Variants in NSMCE2 observed in about 807,000 individuals in gnomAD.
NSMCE2 encodes the protein E3 SUMO-protein ligase NSE2.
In NSMCE2, 24 loss-of-function variants were observed where a neutral mutation model predicts 23.8. That is an observed-to-expected ratio of 1.01 (90% CI 0.73 to 1.42). The LOEUF is 1.42. Among genes scored for constraint, NSMCE2 ranks in the 40% most tolerant of loss-of-function variants. The pLI, the probability that NSMCE2 is intolerant of heterozygous loss-of-function variation, is 0.00. For missense variants in NSMCE2, 284 were observed against 296.5 expected (o/e 0.96, Z 0.31); for synonymous variants, 92 against 94.1 (o/e 0.98, Z 0.13).
chr8:125,268,998 T>G (rs754230875), intron 5 of NSMCE2, among the ~76,000 whole-genome samples: 3 of 152,232 alleles, frequency 2.0e-5, no homozygotes, highest in African/African-American at 7.2e-5. Context: ...CTTGATTCTC[T>G]TTTTTATTCC....
chr8:125,330,398 A>T (rs1586779933), intron 5 of NSMCE2, among the ~76,000 whole-genome samples: 2 of 150,964 alleles, frequency 1.3e-5, no homozygotes, highest in Non-Finnish European at 1.5e-5. Context: ...CTGGTCTCGA[A>T]CTCCTGACCT....
intron 5 of NSMCE2, among the ~76,000 whole-genome samples, chr8:125,218,845 T>G (rs1824720832): frequency 6.6e-6 from 1 of 152,226 alleles, no homozygotes; most frequent in Non-Finnish European, 1.5e-5. Context: ...ATGGTTAAGG[T>G]GTTAAATTTT....
chr8:125,274,999 G>A (rs918021057), intron 5 of NSMCE2, among the ~76,000 whole-genome samples: 1 of 142,420 alleles, frequency 7.0e-6, no homozygotes, highest in African/African-American at 2.6e-5. Flanking sequence ...ATCTGAAGAT[G>A]ATAATAATAA....
At chr8:125,242,112 G>A (rs554161321) in intron 5 of NSMCE2, among the ~76,000 whole-genome samples, 1 of 152,216 alleles carries the variant, frequency 6.6e-6, no homozygotes, top group East Asian at 1.9e-4. Context: ...ACTGGGGGGG[G>A]AGTTTGAGAA....
At chr8:125,118,567 C>A (rs1459602211) in intron 3 of NSMCE2, among the ~76,000 whole-genome samples, 1 of 152,174 alleles carries the variant, frequency 6.6e-6, no homozygotes, top group Admixed American at 6.5e-5. Flanking sequence ...GGCACCAGAA[C>A]ACTTCTTATG....
intron 5 of NSMCE2, among the ~76,000 whole-genome samples, chr8:125,243,083 C>G (rs1366482871): frequency 6.6e-6 from 1 of 152,108 alleles, no homozygotes; most frequent in Non-Finnish European, 1.5e-5. Context: ...GTGCCAGAAA[C>G]TATGCAGGGC....
chr8:125,267,003 C>CTTTTTTTTTTTTTTTTTTT (rs35990794), intron 5 of NSMCE2, among the ~76,000 whole-genome samples: 4 of 111,990 alleles, frequency 3.6e-5, no homozygotes, highest in Admixed American at 1.1e-4. Context: ...TTTTTTCTTT[C>CTTTTTTTTTTTTTTTTTTT]TTTTTTTTTT....
chr8:125,162,228 T>A (rs979195100), intron 4 of NSMCE2, among the ~76,000 whole-genome samples: 3 of 152,168 alleles, frequency 2.0e-5, no homozygotes, highest in African/African-American at 2.4e-5. Flanking sequence ...GTAAAAAAAA[T>A]TTTAATTGTT....
intron 4 of NSMCE2, among the ~76,000 whole-genome samples, chr8:125,155,069 A>T (rs938979817): frequency 1.3e-5 from 2 of 152,246 alleles, no homozygotes; most frequent in East Asian, 3.8e-4. Flanking sequence ...TAGGAAGTCA[A>T]TCAGCAAAGT....
At chr8:125,094,362 A>G (rs955146012) in intron 1 of NSMCE2, 3 of 152,170 alleles carry the variant, frequency 2.0e-5, no homozygotes, top group Non-Finnish European at 2.9e-5. Context: ...ACTTAGCTGT[A>G]TTTATTGGGA....
chr8:125,302,248 C>T (rs549085877), intron 5 of NSMCE2, among the ~76,000 whole-genome samples: 8 of 152,238 alleles, frequency 5.3e-5, no homozygotes, highest in Non-Finnish European at 1.2e-4. Flanking sequence ...TGAGCCACCA[C>T]GCCAGGTCCC....
intron 5 of NSMCE2, among the ~76,000 whole-genome samples, chr8:125,251,514 T>C (rs1826196608): frequency 6.6e-6 from 1 of 152,146 alleles, no homozygotes; most frequent in Non-Finnish European, 1.5e-5. Context: ...TCAAGTAGAC[T>C]CAGTGAATAT....
intron 5 of NSMCE2, among the ~76,000 whole-genome samples, chr8:125,190,103 C>G (rs1033307463): frequency 1.3e-5 from 2 of 152,132 alleles, no homozygotes; most frequent in African/African-American, 4.8e-5. Flanking sequence ...GGATTGCATC[C>G]TGAGAGCTTA....
intron 5 of NSMCE2, among the ~76,000 whole-genome samples, chr8:125,259,180 G>A (rs1826572886): frequency 1.3e-5 from 2 of 152,120 alleles, no homozygotes; most frequent in African/African-American, 4.8e-5. Context: ...GTGAGCCACT[G>A]TACCTGGCCT....
chr8:125,267,119 C>G (rs1430860887), intron 5 of NSMCE2, among the ~76,000 whole-genome samples: 1 of 149,860 alleles, frequency 6.7e-6, no homozygotes, highest in Non-Finnish European at 1.5e-5. Flanking sequence ...ATTCTCTTGC[C>G]TCAGCCTCCC....
At chr8:125,345,302 A>G (rs982309446) in intron 5 of NSMCE2, among the ~76,000 whole-genome samples, 1 of 152,242 alleles carries the variant, frequency 6.6e-6, no homozygotes, top group Non-Finnish European at 1.5e-5. Context: ...TATGACCTAC[A>G]CGGTATAATG....
At chr8:125,152,241 A>T (rs1273813378) in intron 4 of NSMCE2, among the ~76,000 whole-genome samples, 3 of 152,138 alleles carry the variant, frequency 2.0e-5, no homozygotes, top group Non-Finnish European at 2.9e-5. Context: ...GGCTATTGTG[A>T]CTGTTAGTCC....
In NSMCE2 at chr8:125,214,426, G is replaced by A. The variant is rs544018168; in HGVS notation, c.418+32170G>A. 2.9e-4 allele frequency among the ~76,000 whole-genome samples: 44 copies of A among 152,294 alleles called. No individual in the cohort carries two copies. The South Asian group carries it at 8.5e-3, about 29-fold the overall frequency. ...TAAAGGAATGAGATCAGAATTGGCA[G>A]GCAAGGAGGCTGAGTCATGGGGGCT... On this transcript the variant is annotated intron_variant, in intron 5 of 7. Transcript: ENST00000287437.
chr8:125,252,267 G>A lies in NSMCE2; in HGVS notation c.418+70011G>A, dbSNP rs182778173. ...CTACCGGCCGGGCACAGTGGCTCAC[G>A]CCTATAATCCCAGCACTTTGAGAGG... On this transcript the variant is annotated intron_variant, in intron 5 of 7. Transcript: ENST00000287437. Among the ~76,000 whole-genome samples, 224 of 152,282 alleles carry A rather than the reference G, an allele frequency of 1.5e-3. 1 individual carries two copies. Among genetic ancestry groups the A allele is most frequent in the African/African-American group, 5.3e-3 (221 of 41,574 alleles).
Sources: allele counts gnomAD v4.1 joint callset (sites outside exome capture counted in the v4.1 genomes callset), GRCh38; gene constraint gnomAD v4.1.1; transcripts MANE v1.5; gene names NCBI Gene and HGNC (gene_info 2026-07-23, HGNC 2026-07-21).